The following ARHGAP20 variants were observed in gnomAD, a reference collection of about 807,000 sequenced individuals.
ARHGAP20 encodes Rho GTPase activating protein 20.
ARHGAP20 carries 34 observed loss-of-function variants against 73.7 expected under a neutral mutation model. That is an observed-to-expected ratio of 0.46 (90% CI 0.35 to 0.61). The LOEUF (loss-of-function observed/expected upper bound fraction) is 0.61. Among genes scored for constraint, ARHGAP20 ranks in the 20% least tolerant of loss-of-function variants. The probability of loss-of-function intolerance (pLI) is 0.00; values close to 1 mark genes in which losing one functional copy is unlikely to be tolerated. For synonymous variants in ARHGAP20, 523 were observed against 518.2 expected (o/e 1.01, Z -0.13); for missense variants, 1,314 against 1,420.9 (o/e 0.92, Z 1.21).
chr11:110,652,792 A>G (rs11213516), intron 2 of ARHGAP20, among the ~76,000 whole-genome samples: 42,807 of 152,000 alleles, frequency 0.28, 6,449 homozygotes, highest in African/African-American at 0.39. Flanking sequence ...AATCAACATC[A>G]TGAAAATGGC....
At chr11:110,581,519 G>A (rs190613270) in intron 14 of ARHGAP20, among the ~76,000 whole-genome samples, 9 of 152,206 alleles carry the variant, frequency 5.9e-5, no homozygotes, top group African/African-American at 2.2e-4. Context: ...TTGCCTTCAT[G>A]GTATAAGTAT....
At chr11:110,693,364 T>A (rs1183337284) in intron 1 of ARHGAP20, among the ~76,000 whole-genome samples, 1 of 151,928 alleles carries the variant, frequency 6.6e-6, no homozygotes, top group Non-Finnish European at 1.5e-5. Context: ...GGCCTCCATT[T>A]CCTTACTCAC....
At chr11:110,668,097 T>G (rs1175504941) in intron 2 of ARHGAP20, among the ~76,000 whole-genome samples, 2 of 152,170 alleles carry the variant, frequency 1.3e-5, no homozygotes, top group Non-Finnish European at 2.9e-5. Flanking sequence ...AGAAGTTCTG[T>G]GGGAAAAATG....
chr11:110,647,348 C>A (rs1179128493), intron 2 of ARHGAP20, among the ~76,000 whole-genome samples: 1 of 151,990 alleles, frequency 6.6e-6, no homozygotes, highest in African/African-American at 2.4e-5. Flanking sequence ...GGACACCAAC[C>A]TTTTGAATTT....
intron 9 of ARHGAP20, among the ~76,000 whole-genome samples, chr11:110,600,875 T>C (rs936836155): frequency 3.3e-5 from 5 of 152,202 alleles, no homozygotes; most frequent in African/African-American, 1.2e-4. Context: ...GAAAGATGTA[T>C]TGCTGTTATG....
intron 3 of ARHGAP20, among the ~76,000 whole-genome samples, chr11:110,625,521 T>G (rs1948725610): frequency 6.6e-6 from 1 of 152,088 alleles, no homozygotes; most frequent in Non-Finnish European, 1.5e-5. Flanking sequence ...TCCCCTTATA[T>G]TCTGGTTAAA....
At chr11:110,702,923 T>C (rs916503453) in intron 1 of ARHGAP20, among the ~76,000 whole-genome samples, 13 of 152,106 alleles carry the variant, frequency 8.5e-5, no homozygotes, top group African/African-American at 2.7e-4. Context: ...TGCTCATGGG[T>C]AGGAAGAATC....
chr11:110,650,637 A>C (rs1475300695), intron 2 of ARHGAP20, among the ~76,000 whole-genome samples: 4 of 152,158 alleles, frequency 2.6e-5, no homozygotes, highest in Non-Finnish European at 4.4e-5. Context: ...AGTGCTTCTA[A>C]ATAAAAATTA....
intron 1 of ARHGAP20, among the ~76,000 whole-genome samples, chr11:110,705,475 A>G (rs1195379465): frequency 2.6e-5 from 4 of 152,192 alleles, no homozygotes; most frequent in African/African-American, 9.7e-5. Context: ...ATGAATTCCA[A>G]CTGCCTATTT....
intron 1 of ARHGAP20, chr11:110,711,527 A>G: frequency 8.3e-7 from 1 of 1,203,946 alleles, no homozygotes; most frequent in South Asian, 2.0e-5. Flanking sequence ...GGAGACCCGG[A>G]ATCATCCAGG....
rs757896818 is a variant in ARHGAP20, at chr11:110,580,431, G to T, written c.2515C>A (p.Pro839Thr). The change falls in exon 15 of 15, where the codon CCA becomes ACA. Residue 839 changes from proline (P) to threonine (T), a missense_variant. Coordinates refer to ENST00000683387, the MANE Select transcript of ARHGAP20 (RefSeq NM_001384657.1). Reference protein sequence around the residue: ...PPHTADALKGPRTHRRCSEPN... With the variant: ...PPHTADALKGTRTHRRCSEPN... Reference sequence around the variant, plus strand: ...TCTGAGCAGCGCCGATGTGTCCTTGGACCCTTGAGGGCATCTGCTGTGTGT... The same window carrying T: ...TCTGAGCAGCGCCGATGTGTCCTTGTACCCTTGAGGGCATCTGCTGTGTGT... The T allele has an allele frequency of 8.1e-6, 13 of 1,614,180 alleles. No individual in the cohort carries two copies. The Admixed American group carries it at 1.5e-4, about 19-fold the overall frequency.
intron 1 of ARHGAP20, chr11:110,711,887 G>A: frequency 7.7e-7 from 1 of 1,305,458 alleles, no homozygotes; most frequent in Non-Finnish European, 9.7e-7. Context: ...CTGCGAGGTC[G>A]CTCGAGGAGA....
intron 2 of ARHGAP20, among the ~76,000 whole-genome samples, chr11:110,631,842 T>A (rs1948865762): frequency 6.6e-6 from 1 of 152,208 alleles, no homozygotes; most frequent in African/African-American, 2.4e-5. Context: ...AAACTCCTTA[T>A]ACCAGTCAAT....
chr11:110,629,717 G>A (rs570626007), intron 3 of ARHGAP20, among the ~76,000 whole-genome samples: 14 of 152,262 alleles, frequency 9.2e-5, no homozygotes, highest in Non-Finnish European at 1.8e-4. Context: ...ACTCATACAC[G>A]TGGAGAGGAA....
intron 1 of ARHGAP20, among the ~76,000 whole-genome samples, chr11:110,699,499 G>A (rs1423748412): frequency 1.3e-5 from 2 of 151,932 alleles, no homozygotes; most frequent in Non-Finnish European, 2.9e-5. Context: ...TATCAGTGGG[G>A]TGTCGAAGTC....
chr11:110,708,091 G>T (rs573550036), intron 1 of ARHGAP20, among the ~76,000 whole-genome samples: 39 of 151,936 alleles, frequency 2.6e-4, no homozygotes, highest in African/African-American at 9.4e-4. Context: ...ATTAAAATTG[G>T]GCAAAATATT....
chr11:110,634,893 G>C (rs1948932468), intron 2 of ARHGAP20, among the ~76,000 whole-genome samples: 1 of 151,932 alleles, frequency 6.6e-6, no homozygotes, highest in East Asian at 1.9e-4. Context: ...ATCCAGAGCT[G>C]AACTAAATTA....
In ARHGAP20 at chr11:110,593,146, T is replaced by C. The variant is rs1208953023; in HGVS notation, c.965-991A>G. Among the ~76,000 whole-genome samples the C allele has an allele frequency of 3.3e-5, 5 of 152,196 alleles. No individual in the cohort carries two copies. In the South Asian group the frequency reaches 6.2e-4, roughly 19 times the overall value. ...GGCATAGTGCCTTCCATCTAGTGAG[T>C]ACTCACTAAATTGTTATTAAACAAT... On this transcript the variant is annotated intron_variant, in intron 9 of 14. Transcript: ENST00000683387.
rs541838033 is a variant in ARHGAP20, at chr11:110,615,660, G to A, written c.504-66C>T. On this transcript the variant is annotated intron_variant, in intron 4 of 14. Transcript: ENST00000683387. ...AAAATACAAATGCTAACAGATTTAG[G>A]ATTGTCAATCCAGATGAAAATATCA... 2.8e-6 allele frequency: 4 copies of A among 1,415,564 alleles called. No individual in the cohort carries two copies. The East Asian group carries it at 6.9e-5, about 24-fold the overall frequency. 87.7% of individuals were successfully genotyped at this position (1,415,564 alleles called of 1,614,324 possible).
Sources: allele counts gnomAD v4.1 joint callset (sites outside exome capture counted in the v4.1 genomes callset), GRCh38; gene constraint gnomAD v4.1.1; transcripts MANE v1.5; gene names NCBI Gene and HGNC (gene_info 2026-07-23, HGNC 2026-07-21).